Variants in SEMA3A observed in about 807,000 individuals in gnomAD.
The protein encoded by SEMA3A is semaphorin 3A, also known as semaphorin-3A.
Under a neutral mutation model 97.9 loss-of-function variants are expected in SEMA3A, and 29 were observed. The ratio of observed to expected loss-of-function variants is 0.30; its 90% confidence interval spans 0.22 to 0.40. The LOEUF (loss-of-function observed/expected upper bound fraction) is 0.40, where lower values mean the gene tolerates loss of function less well. Among genes scored for constraint, SEMA3A ranks in the 10% least tolerant of loss-of-function variants. The pLI is 1.00. For synonymous variants in SEMA3A, 321 were observed against 323.7 expected, an observed-to-expected ratio of 0.99 and a Z score of 0.09; for missense variants, 763 against 951.3, an observed-to-expected ratio of 0.80 and a Z score of 2.60.
chr7:84,453,481 CCA>C (rs976296015), intron 1 of SEMA3A, among the ~76,000 whole-genome samples: 1 of 152,026 alleles, frequency 6.6e-6, no homozygotes, highest in African/African-American at 2.4e-5. Context: ...CGTGATCCGC[CCA>C]CCTCGTCCTC....
intron 3 of SEMA3A, among the ~76,000 whole-genome samples, chr7:84,298,940 G>T (rs1343288533): frequency 6.6e-6 from 1 of 152,076 alleles, no homozygotes; most frequent in East Asian, 1.9e-4. Context: ...TTCCAGCCTT[G>T]ATCTTTCTAA....
intron 4 of SEMA3A, among the ~76,000 whole-genome samples, chr7:84,091,187 A>G (rs796322505): frequency 0.035 from 2,629 of 74,366 alleles, 63 homozygotes; most frequent in African/African-American, 0.062. Flanking sequence ...AAAGAAAGAA[A>G]GAAAGAAAGA....
At chr7:84,400,539 G>A (rs1229805127) in intron 1 of SEMA3A, among the ~76,000 whole-genome samples, 6 of 152,104 alleles carry the variant, frequency 3.9e-5, no homozygotes, top group African/African-American at 7.2e-5. Context: ...CTGATCAAAC[G>A]GAGGAAAGAA....
At chr7:84,348,692 T>C (rs956836617) in intron 2 of SEMA3A, among the ~76,000 whole-genome samples, 1 of 152,062 alleles carries the variant, frequency 6.6e-6, no homozygotes, top group Non-Finnish European at 1.5e-5. Flanking sequence ...TCCATAAACG[T>C]TCTGTATTTT....
At chr7:84,463,677 T>G (rs977674845) in intron 1 of SEMA3A, among the ~76,000 whole-genome samples, 27 of 152,196 alleles carry the variant, frequency 1.8e-4, no homozygotes, top group African/African-American at 6.5e-4. Flanking sequence ...CTTGGATTTC[T>G]GTTTGGAATG....
At chr7:83,980,623 A>AAAAAAAAAAAAAAAAAAAAAT (rs1310318006) in intron 14 of SEMA3A, among the ~76,000 whole-genome samples, 4 of 71,762 alleles carry the variant, frequency 5.6e-5, no homozygotes, top group African/African-American at 1.7e-4. Context: ...AAAAAAAAAA[A>AAAAAAAAAAAAAAAAAAAAAT]ATATATATAT....
Position 84,003,610 on chromosome 7 carries a change from G to GTTTA in SEMA3A, c.1361-1568_1361-1565dup, listed in dbSNP as rs1424921684. ...AGAGGAATTAAAAGCTCATGATTAA[G>GTTTA]TTTATTTGGTCAAATACCCAGAAGC... On this transcript the variant is annotated intron_variant, in intron 11 of 16. Coordinates refer to ENST00000265362, the MANE Select transcript of SEMA3A (RefSeq NM_006080.3). Among the ~76,000 whole-genome samples, 3 of 152,060 alleles carry GTTTA rather than the reference G, an allele frequency of 2.0e-5. No individual in the cohort carries two copies. In the East Asian group the frequency reaches 5.8e-4, roughly 29 times the overall value.
chr7:84,266,970 C>A (rs1800022623), intron 3 of SEMA3A, among the ~76,000 whole-genome samples: 1 of 152,016 alleles, frequency 6.6e-6, no homozygotes, highest in Non-Finnish European at 1.5e-5. Context: ...TAATACTTTG[C>A]ATTAAAATGT....
intron 3 of SEMA3A, among the ~76,000 whole-genome samples, chr7:84,282,270 T>G (rs745831277): frequency 1.3e-5 from 2 of 152,202 alleles, no homozygotes; most frequent in Non-Finnish European, 2.9e-5. Flanking sequence ...CCTAGTTGAC[T>G]CTTTTTTGCA....
At position 84,292,701 on chromosome 7, in the gene SEMA3A, C is replaced by T. The variant is rs554025583; in HGVS notation, c.-83+14506G>A. ...TTACCACAGAGGATAACATTAGTGA[C>T]GTTATGGTCCACAAAACTTGATAGT... On this transcript the variant is annotated intron_variant, in intron 3 of 3. Coordinates refer to the SEMA3A transcript ENST00000424555. Among the ~76,000 whole-genome samples, 25 of 151,968 alleles carry T rather than the reference C, an allele frequency of 1.6e-4. 1 individual carries two copies. The highest frequency in any genetic ancestry group is 8.5e-4 in the Admixed American group (13 of 15,226).
At chr7:84,473,824 G>A (rs1806213627) in intron 1 of SEMA3A, among the ~76,000 whole-genome samples, 1 of 152,178 alleles carries the variant, frequency 6.6e-6, no homozygotes. Flanking sequence ...TTGGTTCTAA[G>A]AGTAAAATTT....
intron 1 of SEMA3A, among the ~76,000 whole-genome samples, chr7:84,178,428 T>TGG (rs1797641323): frequency 4.6e-5 from 7 of 151,848 alleles, no homozygotes; most frequent in Admixed American, 4.6e-4. Flanking sequence ...TGTCCAAGTC[T>TGG]CATGTAATCT....
intron 3 of SEMA3A, among the ~76,000 whole-genome samples, chr7:84,203,275 C>T (rs752736500): frequency 3.3e-5 from 5 of 151,614 alleles, no homozygotes; most frequent in Non-Finnish European, 7.4e-5. Context: ...GTTCCTATTG[C>T]TTTGTATCAC....
intron 2 of SEMA3A, among the ~76,000 whole-genome samples, chr7:84,347,951 A>G (rs2116012329): frequency 6.6e-6 from 1 of 152,248 alleles, no homozygotes; most frequent in Non-Finnish European, 1.5e-5. Flanking sequence ...AACCCATCAA[A>G]ACTCACTAAA....
chr7:84,380,756 C>T (rs35226963), intron 1 of SEMA3A, among the ~76,000 whole-genome samples: 23,871 of 152,134 alleles, frequency 0.16, 2,267 homozygotes, highest in East Asian at 0.44. Context: ...GTGGAGAATC[C>T]GTTTCACTTC....
intron 4 of SEMA3A, among the ~76,000 whole-genome samples, chr7:84,105,452 T>G (rs547674303): frequency 2.0e-5 from 3 of 152,236 alleles, no homozygotes; most frequent in African/African-American, 7.2e-5. Context: ...ATATTGGTTG[T>G]CATTGTGGAA....
intron 6 of SEMA3A, among the ~76,000 whole-genome samples, chr7:84,020,876 A>G (rs1219575046): frequency 6.6e-6 from 1 of 152,196 alleles, no homozygotes; most frequent in Non-Finnish European, 1.5e-5. Flanking sequence ...ACAGTGTACA[A>G]AAATAAATAT....
At chr7:84,020,669 T>C (rs1791294806) in intron 6 of SEMA3A, among the ~76,000 whole-genome samples, 1 of 152,180 alleles carries the variant, frequency 6.6e-6, no homozygotes, top group African/African-American at 2.4e-5. Context: ...CCTTAAAACT[T>C]TCCATCTCTT....
chr7:84,029,997 A>G (rs763724999), intron 6 of SEMA3A, among the ~76,000 whole-genome samples: 5 of 152,166 alleles, frequency 3.3e-5, no homozygotes, highest in Non-Finnish European at 5.9e-5. Context: ...AATATAAAAG[A>G]AAATTAAGTG....
Sources: gnomAD v4.1 joint callset for allele counts (sites outside exome capture counted in the v4.1 genomes callset) on GRCh38, gnomAD v4.1.1 for gene constraint, MANE v1.5 for transcripts, NCBI Gene and HGNC (gene_info 2026-07-23, HGNC 2026-07-21) for gene names.